ABCA7: variants seen among roughly 807,000 people sequenced by gnomAD.
ABCA7 encodes ATP binding cassette subfamily A member 7, also known as phospholipid-transporting ATPase ABCA7.
In ABCA7, 261 loss-of-function variants were observed where a neutral mutation model predicts 227.6. That is an observed-to-expected ratio of 1.15 (90% CI 1.04 to 1.27). ABCA7 has a LOEUF of 1.27. ABCA7 is among the 50% of genes most tolerant of loss of function. The probability of loss-of-function intolerance (pLI) is 0.00; values close to 1 mark genes in which losing one functional copy is unlikely to be tolerated. For synonymous variants in ABCA7, 1,488 were observed against 1,279.7 expected, an observed-to-expected ratio of 1.16 and a Z score of -3.47; for missense variants, 3,331 against 2,924.5, an observed-to-expected ratio of 1.14 and a Z score of -3.21.
At position 1,055,274 on chromosome 19, in the gene ABCA7, G is replaced by A; in HGVS notation, c.4128G>A (p.Gly1376=). The A allele has an allele frequency of 1.9e-6, 3 of 1,604,398 alleles. No individual in the cohort carries two copies. The highest frequency in any genetic ancestry group is 2.6e-6 in the Non-Finnish European group (3 of 1,176,288). Residue 1376 remains glycine, a synonymous_variant, in exon 30 of 47, where the codon GGG becomes GGA. Transcript: ENST00000263094. The part of the protein sequence containing the change: ...PPPPQAVTGS[G]EVVQNLTGRN... Reference sequence around the variant, plus strand: ...CGCCCCAGGCAGTGACCGGCTCTGGGGAAGTGGTTCAGAACCTGACAGGCC... The same window carrying A: ...CGCCCCAGGCAGTGACCGGCTCTGGAGAAGTGGTTCAGAACCTGACAGGCC...
rs761922141 is a variant in ABCA7 at position 1,047,257 on chromosome 19, T to C, written c.1946T>C (p.Phe649Ser). Residue 649 changes from phenylalanine (F) to serine (S), a missense_variant, in exon 15 of 47, where the codon TTC becomes TCC. Coordinates refer to ENST00000263094, the MANE Select transcript of ABCA7 (RefSeq NM_019112.4). ...ACCCAGAGCTTCCTGCTCAGCGCCT[T>C]CTTCTCCCGCGCCAACCTGGCTGCG... ...TVTQSFLLSAFFSRANLAAAC... is the reference protein window; with the variant it reads ...TVTQSFLLSASFSRANLAAAC... 1 of 1,607,534 alleles carries C rather than the reference T, an allele frequency of 6.2e-7. No individual in the cohort carries two copies. Among genetic ancestry groups the C allele is most frequent in the Non-Finnish European group, 8.5e-7 (1 of 1,179,362 alleles).
rs1244487049 is a variant in ABCA7 at position 1,061,787 on chromosome 19, T to G, written c.5469T>G (p.Phe1823Leu). 6.2e-7 allele frequency: 1 copy of G among 1,612,648 alleles called. No individual in the cohort carries two copies. The highest frequency in any genetic ancestry group is 8.5e-7 in the Non-Finnish European group (1 of 1,179,484). Residue 1823 changes from phenylalanine to leucine, a missense_variant, in exon 41 of 47, where the codon TTT becomes TTG. By Grantham distance (22) the Phe-to-Leu change is conservative. Transcript: ENST00000263094. ...LCLGIPPGEC[F>L]GLLGVNGAGK... ...ATCTGTGGGCATCCCTGTAGTGTTT[T>G]GGGCTGCTGGGTGTGAATGGAGCAG... is the stretch of plus-strand genomic sequence containing the variant.
At chr19:1,049,084 A>G in intron 17 of ABCA7, 79 bp downstream of exon 17, 3 of 962,394 alleles carry the variant, frequency 3.1e-6, no homozygotes, top group Non-Finnish European at 4.7e-6. Flanking sequence ...ACAGATGCCA[A>G]TGACAATGAC....
intron 30 of ABCA7, among the ~76,000 whole-genome samples, 170 bp from the exon 31 acceptor site, chr19:1,055,737 G>A (rs1043015989): frequency 6.6e-6 from 1 of 152,024 alleles, no homozygotes; most frequent in African/African-American, 2.4e-5. Flanking sequence ...CCTGACCTCA[G>A]GTGATCCACC....
At position 1,054,197 on chromosome 19, in the gene ABCA7, G is replaced by C. The variant is rs140753161; in HGVS notation, c.3582G>C (p.Gly1194=). The C allele has an allele frequency of 1.2e-6, 2 of 1,609,766 alleles. No homozygotes were observed. Among genetic ancestry groups the C allele is most frequent in the Non-Finnish European group, 1.7e-6 (2 of 1,178,014 alleles). Residue 1194 remains glycine, a synonymous_variant, in exon 27 of 47, where the codon GGG becomes GGC. Coordinates refer to ENST00000263094, the MANE Select transcript of ABCA7 (RefSeq NM_019112.4). This position sits in a 1 kb window ranked among gnomAD's most constrained non-coding sequence, Gnocchi z 4.8. Reference sequence around the variant, plus strand: ...TGACCCTCTCATCCCTCACAGCTGGGTCAGCCCCAGAGACTGACCAGGGCT... The same window carrying C: ...TGACCCTCTCATCCCTCACAGCTGGCTCAGCCCCAGAGACTGACCAGGGCT... The part of the protein sequence containing the change: ...ETALENGEPA[G]SAPETDQGSG...
rs1248376806 is a variant in ABCA7 at position 1,043,468 on chromosome 19, GC to G, written c.928del (p.Gln310ArgfsTer2). 5.0e-6 allele frequency: 8 copies of G among 1,613,132 alleles called. No homozygotes were observed. In the African/African-American group the frequency reaches 9.3e-5, roughly 19 times the overall value. ...PDTPFTRKLM[A>X]QVNRTFEELT... ...TACACCTTTTACCCGGAAGCTCATG[GC>G]CCAGGTGGGGGCAGCCTGGATGCTG... is the stretch of plus-strand genomic sequence containing the variant. On this transcript the variant is annotated frameshift_variant, in exon 9 of 47. Coordinates refer to ENST00000263094, the MANE Select transcript of ABCA7 (RefSeq NM_019112.4). LOFTEE classifies it high-confidence loss of function.
At chr19:1,057,216 C>T (rs2042334605) in intron 34 of ABCA7, 98 bp from the exon 35 acceptor site, 10 of 1,557,890 alleles carry the variant, frequency 6.4e-6, no homozygotes, top group Non-Finnish European at 8.8e-6. Context: ...TTTGTGCCTT[C>T]CTACTCAAAA....
chr19:1,060,974 T>C (rs1362102078), intron 40 of ABCA7, among the ~76,000 whole-genome samples: 2 of 152,166 alleles, frequency 1.3e-5, no homozygotes, highest in Non-Finnish European at 2.9e-5. Context: ...ACGACCTTTA[T>C]AGGGTACCCA....
chr19:1,056,158 G>A lies in ABCA7; in HGVS notation c.4331G>A (p.Ser1444Asn), dbSNP rs1260200612. 6.2e-6 allele frequency: 10 copies of A among 1,609,258 alleles called. No individual in the cohort carries two copies. ...GTGGAGGAGTTGTGGGCGCTGCTGA[G>A]TCCCCTGCCTGGCGGGGCCCTCGAC... is the stretch of plus-strand genomic sequence containing the variant. Reference protein sequence around the residue: ...RSVEELWALLSPLPGGALDRV... With the variant: ...RSVEELWALLNPLPGGALDRV... The change falls in exon 32 of 47, where the codon AGT becomes AAT. Residue 1444 changes from serine (S) to asparagine (N), a missense_variant. Transcript: ENST00000263094. The surrounding 1 kb of genome is among the most constrained non-coding windows in gnomAD (Gnocchi z 4.3).
At position 1,044,714 on chromosome 19, in the gene ABCA7, C is replaced by A; in HGVS notation, c.1185C>A (p.His395Gln). ...SWQDAHADVG[H>Q]LVGTLGRVTE... ...AGGACGCACACGCTGATGTGGGGCA[C>A]CTGGTGGGCACGCTGGGCCGAGTGA... The change falls in exon 11 of 47, where the codon CAC (histidine) becomes CAA (glutamine). Residue 395 changes from histidine (H) to glutamine (Q), a missense_variant. Physicochemically the swap from His to Gln is conservative, Grantham distance 24. Coordinates refer to ENST00000263094, the MANE Select transcript of ABCA7 (RefSeq NM_019112.4). 6.2e-7 allele frequency: 1 copy of A among 1,610,804 alleles called. No homozygotes were observed. Among genetic ancestry groups the A allele is most frequent in the Non-Finnish European group, 8.5e-7 (1 of 1,179,656 alleles).
Position 1,054,177 on chromosome 19 carries a change from C to T in ABCA7, c.3578-16C>T. 1 of 1,610,780 alleles carries T rather than the reference C, an allele frequency of 6.2e-7. No individual in the cohort carries two copies. Among genetic ancestry groups the T allele is most frequent in the Non-Finnish European group, 8.5e-7 (1 of 1,178,590 alleles). On this transcript the variant is annotated splice_polypyrimidine_tract_variant and intron_variant, in intron 26 of 46. Transcript: ENST00000263094. This position sits in a 1 kb window ranked among gnomAD's most constrained non-coding sequence, Gnocchi z 4.8. ...CCCCACAGCAGCGTGAGCACTGACC[C>T]TCTCATCCCTCACAGCTGGGTCAGC...
chr19:1,043,913 AG>A, intron 10 of ABCA7, 72 bp downstream of exon 10: 1 of 1,313,932 alleles, frequency 7.6e-7, no homozygotes, highest in Non-Finnish European at 1.1e-6. Context: ...GTGGATGGGA[AG>A]GTGGGCTCCG....
chr19:1,046,116 T>G, intron 12 of ABCA7, 114 bp from the exon 13 acceptor site: 1 of 1,239,548 alleles, frequency 8.1e-7, no homozygotes, highest in African/African-American at 1.5e-5. Context: ...TTGCAGCTCT[T>G]CACTCCAGCC....
rs2144899680 is a variant in ABCA7, at chr19:1,056,356, C to T, written c.4443C>T (p.His1481=). 1.2e-6 allele frequency: 2 copies of T among 1,613,548 alleles called. No homozygotes were observed. The highest frequency in any genetic ancestry group is 8.5e-7 in the Non-Finnish European group (1 of 1,179,984). The change falls in exon 33 of 47, where the codon CAC becomes CAT. Residue 1481 remains histidine, a synonymous_variant. Transcript: ENST00000263094. The surrounding 1 kb of genome is among the most constrained non-coding windows in gnomAD (Gnocchi z 4.3). ...TCTGGTTCAACAACAAAGGCTGGCACTCCATGGTGGCCTTTGTCAACCGAG... is the reference window on the plus strand; with the variant it reads ...TCTGGTTCAACAACAAAGGCTGGCATTCCATGGTGGCCTTTGTCAACCGAG... The part of the protein sequence containing the change: ...LKIWFNNKGW[H]SMVAFVNRAS...
rs796722550 is a variant in ABCA7 at position 1,049,348 on chromosome 19, G to A, written c.2463G>A (p.Gln821=). 7 of 1,611,598 alleles carry A rather than the reference G, an allele frequency of 4.3e-6. No individual in the cohort carries two copies. In the African/African-American group the frequency reaches 8.0e-5, roughly 18 times the overall value. Reference sequence around the variant, plus strand: ...AGAAGCGCTTTCCTGGAAGCCCGCAGCCAGCCCTGCGGGGGCTCAGCCTGG... The same window carrying A: ...AGAAGCGCTTTCCTGGAAGCCCGCAACCAGCCCTGCGGGGGCTCAGCCTGG... The part of the protein sequence containing the change: ...SLEKRFPGSP[Q]PALRGLSLDF... Residue 821 remains glutamine (Q), a synonymous_variant, in exon 18 of 47, where the codon CAG becomes CAA. Coordinates refer to ENST00000263094, the MANE Select transcript of ABCA7 (RefSeq NM_019112.4).
At chr19:1,059,248 A>ATTATTTATTTAT (rs3971801) in intron 40 of ABCA7, 163 bp downstream of exon 40, 19,355 of 178,396 alleles carry the variant, frequency 0.11, 1,513 homozygotes, top group African/African-American at 0.2. Context: ...TTATTATATT[A>ATTATTTATTTAT]TTATTTATTT....
At position 1,042,806 on chromosome 19, in the gene ABCA7, G is replaced by A. The variant is rs754074734; in HGVS notation, c.559G>A (p.Ala187Thr). 3.7e-6 allele frequency: 6 copies of A among 1,610,266 alleles called. No individual in the cohort carries two copies. Among genetic ancestry groups the A allele is most frequent in the East Asian group, 2.2e-5 (1 of 44,854 alleles). ...GCCCTTGCACAGCTTGTTGGAGGCC[G>A]CTGAGGACCTGGCCCAGGAGGTACG... ...QEPLHSLLEA[A>T]EDLAQELLAL... Residue 187 changes from alanine (A) to threonine (T), a missense_variant, in exon 7 of 47, where the codon GCT becomes ACT. Ala to Thr is a moderately conservative substitution (Grantham distance 58). Transcript: ENST00000263094.
At chr19:1,064,595 G>C (rs1218165514) in intron 45 of ABCA7, 2 of 493,310 alleles carry the variant, frequency 4.1e-6, no homozygotes, top group Admixed American at 3.9e-5. Flanking sequence ...AAGTGGGGCG[G>C]GGGTATTTAT....
intron 21 of ABCA7, 68 bp from the exon 22 acceptor site, chr19:1,051,874 C>A: frequency 1.3e-6 from 2 of 1,567,794 alleles, no homozygotes; most frequent in Non-Finnish European, 1.7e-6. Context: ...CAACTCCTGG[C>A]AGAGGCCCCA....
Sources: gnomAD v4.1 joint callset for allele counts (sites outside exome capture counted in the v4.1 genomes callset) on GRCh38, gnomAD v4.1.1 for gene constraint, Gnocchi (gnomAD v3.1) non-coding constraint, MANE v1.5 for transcripts, NCBI Gene and HGNC (gene_info 2026-07-23, HGNC 2026-07-21) for gene names.